The following ARHGEF9 variants were observed in gnomAD, a reference collection of about 807,000 sequenced individuals.
The protein encoded by ARHGEF9 is rho guanine nucleotide exchange factor 9.
A neutral mutation model predicts 41.3 loss-of-function variants in ARHGEF9; 2 were observed. The ratio of observed to expected loss-of-function variants is 0.05; its 90% CI spans 0.02 to 0.15. The LOEUF (loss-of-function observed/expected upper bound fraction) is 0.15, where lower values mean the gene tolerates loss of function less well. ARHGEF9 is among the 10% of genes least tolerant of loss of function. ARHGEF9 has a pLI of 1.00. For synonymous variants in ARHGEF9, 160 were observed against 154.4 expected, an observed-to-expected ratio of 1.04 and a Z score of -0.27; for missense variants, 225 against 424.7, an observed-to-expected ratio of 0.53 and a Z score of 4.13.
At position 63,731,616 on chromosome X, in the gene ARHGEF9, G is replaced by C. The variant is rs1214532602; in HGVS notation, c.31-6905C>G. Among the ~76,000 whole-genome samples, 14 of 100,619 alleles carry C rather than the reference G, an allele frequency of 1.4e-4. No homozygotes were observed. In the Admixed American group the frequency reaches 1.6e-3, roughly 11 times the overall value. 87.4% of individuals were successfully genotyped at this position (100,619 alleles called of 115,157 possible). A position where few individuals can be genotyped will look rare whatever the true frequency, so the allele number is the denominator to read the frequency against. ...GCTCTGTTGCCCAGGCTGGAGCGCA[G>C]TGGTGCAATCTCGGTTCACTGCAAC... is the stretch of plus-strand genomic sequence containing the variant. On this transcript the variant is annotated intron_variant, in intron 1 of 9. Transcript: ENST00000671741.
chrX:63,747,281 A>G (rs1190190576), intron 1 of ARHGEF9, among the ~76,000 whole-genome samples: 8 of 112,067 alleles, frequency 7.1e-5, no homozygotes, highest in African/African-American at 2.6e-4. Flanking sequence ...CCCCATCATT[A>G]CAGCAAATGT....
intron 2 of ARHGEF9, among the ~76,000 whole-genome samples, chrX:63,716,674 C>T (rs1379823127): frequency 8.9e-6 from 1 of 112,077 alleles, no homozygotes; most frequent in Non-Finnish European, 1.9e-5. Context: ...CACTAAACAA[C>T]CTGACGTTGG....
chrX:63,753,059 C>G (rs1189311796), intron 1 of ARHGEF9, among the ~76,000 whole-genome samples: 3 of 112,586 alleles, frequency 2.7e-5, no homozygotes, highest in Non-Finnish European at 5.6e-5. Context: ...AAGTATTATA[C>G]AGACTGGCAT....
chrX:63,741,505 T>C (rs1216076327), intron 1 of ARHGEF9, among the ~76,000 whole-genome samples: 1 of 112,550 alleles, frequency 8.9e-6, no homozygotes, highest in Non-Finnish European at 1.9e-5. Flanking sequence ...ATGTCCCACA[T>C]GGCTGTGTGG....
intron 2 of ARHGEF9, among the ~76,000 whole-genome samples, chrX:63,722,055 T>C (rs1556414016): frequency 8.9e-6 from 1 of 112,314 alleles, no homozygotes; most frequent in East Asian, 2.8e-4. Context: ...TAACAAAGCA[T>C]TTTTACAAGA....
chrX:63,675,463 A>T (rs1233595290), intron 5 of ARHGEF9, among the ~76,000 whole-genome samples: 1 of 111,890 alleles, frequency 8.9e-6, no homozygotes, highest in Non-Finnish European at 1.9e-5. Flanking sequence ...AGTTTTTCTC[A>T]CTGACTAGCA....
chrX:63,729,836 T>C (rs782607455), intron 1 of ARHGEF9, among the ~76,000 whole-genome samples: 7 of 112,044 alleles, frequency 6.2e-5, no homozygotes, highest in Non-Finnish European at 9.4e-5. Flanking sequence ...TCAACAAAAC[T>C]TTTGGACATG....
chrX:63,719,926 A>G (rs1260910968), intron 2 of ARHGEF9: 1 of 284,706 alleles, frequency 3.5e-6, no homozygotes, highest in Non-Finnish European at 6.1e-6. Context: ...GACAGGACAA[A>G]TAGCAAACAC....
At chrX:63,687,888 AG>A (rs782074665) in intron 4 of ARHGEF9, among the ~76,000 whole-genome samples, 2 of 110,717 alleles carry the variant, frequency 1.8e-5, no homozygotes, top group East Asian at 5.7e-4. Flanking sequence ...AGCAAGTCAA[AG>A]GGTCATTGGC....
At chrX:63,715,122 C>G (rs1556409270) in intron 2 of ARHGEF9, among the ~76,000 whole-genome samples, 1 of 111,775 alleles carries the variant, frequency 8.9e-6, no homozygotes, top group African/African-American at 3.3e-5. Context: ...AAGAACTACA[C>G]TCCACTCTAC....
At chrX:63,645,594 C>T (rs782260793) in intron 8 of ARHGEF9, among the ~76,000 whole-genome samples, 11 of 112,148 alleles carry the variant, frequency 9.8e-5, no homozygotes, top group East Asian at 5.6e-4. Context: ...TTCCATGGTG[C>T]ATATGTGCCA....
At chrX:63,649,598 A>G (rs1471627189) in intron 8 of ARHGEF9, among the ~76,000 whole-genome samples, 2 of 112,018 alleles carry the variant, frequency 1.8e-5, no homozygotes, top group Non-Finnish European at 3.8e-5. Context: ...TCAGAGCAGA[A>G]CTGAAGGAAA....
chrX:63,691,397 T>TA (rs1327346005), intron 4 of ARHGEF9, among the ~76,000 whole-genome samples: 60 of 107,310 alleles, frequency 5.6e-4, no homozygotes, highest in Middle Eastern at 4.7e-3. Context: ...AAACAGGATT[T>TA]AAAAAAAAAT....
chrX:63,635,205 C>A lies in ARHGEF9; in HGVS notation c.*2823G>T. The A allele has an allele frequency of 3.0e-6, 1 of 330,524 alleles. No individual in the cohort carries two copies. Among genetic ancestry groups the A allele is most frequent in the East Asian group, 7.2e-5 (1 of 13,895 alleles). 27.2% of individuals were successfully genotyped at this position (330,524 alleles called of 1,213,427 possible). A position where few individuals can be genotyped will look rare whatever the true frequency, so the allele number is the denominator to read the frequency against. On this transcript the variant is annotated 3_prime_UTR_variant, in exon 10 of 10. Transcript: ENST00000671741. ...CCATCCCCAAAGCACTAAAAGATCA[C>A]TATTTGGCTTCACACTAGAATTGTT... is the stretch of plus-strand genomic sequence containing the variant.
At chrX:63,686,161 C>G (rs1179330131) in intron 4 of ARHGEF9, among the ~76,000 whole-genome samples, 1 of 111,773 alleles carries the variant, frequency 8.9e-6, no homozygotes, top group Non-Finnish European at 1.9e-5. Context: ...TATGGTACTT[C>G]TACACAATGG....
chrX:63,663,103 G>T (rs1296126742), intron 7 of ARHGEF9, among the ~76,000 whole-genome samples: 1 of 111,860 alleles, frequency 8.9e-6, no homozygotes, highest in Admixed American at 9.5e-5. Context: ...GAGCAGTAAA[G>T]TACTCTCTTA....
chrX:63,666,453 T>TACAGACAC (rs1556348917), intron 6 of ARHGEF9, among the ~76,000 whole-genome samples: 1 of 81,263 alleles, frequency 1.2e-5, no homozygotes, highest in African/African-American at 4.6e-5. Flanking sequence ...TATATATACA[T>TACAGACAC]ACACACACAC....
At chrX:63,668,989 G>A (rs1453167984) in intron 6 of ARHGEF9, among the ~76,000 whole-genome samples, 3 of 111,940 alleles carry the variant, frequency 2.7e-5, no homozygotes, top group Non-Finnish European at 5.6e-5. Context: ...AAAAGACCTG[G>A]GCTCTGAGTC....
chrX:63,707,025 T>C (rs2052590517), intron 2 of ARHGEF9, among the ~76,000 whole-genome samples: 1 of 112,228 alleles, frequency 8.9e-6, no homozygotes, highest in Non-Finnish European at 1.9e-5. Context: ...TTCACTGTGC[T>C]AAGAGCTTGC....
Sources: allele counts gnomAD v4.1 joint callset (sites outside exome capture counted in the v4.1 genomes callset), GRCh38; gene constraint gnomAD v4.1.1; transcripts MANE v1.5; gene names NCBI Gene and HGNC (gene_info 2026-07-23, HGNC 2026-07-21).